Variants in GOLGB1 observed in about 807,000 individuals in gnomAD.
The protein encoded by GOLGB1 is golgin subfamily B member 1.
In GOLGB1, 174 loss-of-function variants were observed where a neutral mutation model predicts 336.9. That is an observed-to-expected ratio of 0.52 (90% confidence interval 0.46 to 0.59). The LOEUF (loss-of-function observed/expected upper bound fraction) is 0.59, where lower values mean the gene tolerates loss of function less well. GOLGB1 is among the 20% of genes least tolerant of loss of function. The pLI is 0.00. For missense variants in GOLGB1, 3,331 were observed against 3,645.3 expected, an observed-to-expected ratio of 0.91 and a Z score of 2.22; for synonymous variants, 1,208 against 1,289.2, an observed-to-expected ratio of 0.94 and a Z score of 1.35.
chr3:121,714,820 GACAA>G, intron 10 of GOLGB1, 37 bp downstream of exon 10: 2 of 1,206,728 alleles, frequency 1.7e-6, no homozygotes, highest in East Asian at 2.3e-5. Flanking sequence ...ATACAGCAAA[GACAA>G]ACAGTTAATA....
intron 14 of GOLGB1, among the ~76,000 whole-genome samples, chr3:121,688,377 G>A (rs1038237848): frequency 2.0e-5 from 3 of 152,242 alleles, no homozygotes; most frequent in Admixed American, 6.5e-5. Context: ...GGATGGAGAC[G>A]GGGTTTCGCT....
At chr3:121,739,478 A>C (rs1162012770) in intron 1 of GOLGB1, among the ~76,000 whole-genome samples, 1 of 152,090 alleles carries the variant, frequency 6.6e-6, no homozygotes, top group Non-Finnish European at 1.5e-5. Flanking sequence ...AAAAATAAAC[A>C]TCAGAAATAG....
At chr3:121,666,206 T>C (rs1044742195) in intron 20 of GOLGB1, among the ~76,000 whole-genome samples, 2 of 152,176 alleles carry the variant, frequency 1.3e-5, no homozygotes, top group African/African-American at 4.8e-5. Flanking sequence ...ATTCTAACAT[T>C]ACAATGGCAG....
intron 1 of GOLGB1, among the ~76,000 whole-genome samples, chr3:121,743,503 A>G (rs1304641873): frequency 1.3e-5 from 2 of 152,186 alleles, no homozygotes; most frequent in African/African-American, 4.8e-5. Context: ...TAGGAGAAAT[A>G]CCTAATGTAA....
At chr3:121,731,846 T>C (rs1345006994) in intron 1 of GOLGB1, among the ~76,000 whole-genome samples, 2 of 151,606 alleles carry the variant, frequency 1.3e-5, no homozygotes, top group Non-Finnish European at 2.9e-5. Context: ...TAGAAATTAA[T>C]AAAAATAGAA....
intron 1 of GOLGB1, among the ~76,000 whole-genome samples, chr3:121,736,640 C>T (rs1353127040): frequency 4.6e-5 from 7 of 152,276 alleles, no homozygotes; most frequent in Non-Finnish European, 8.8e-5. Context: ...CAGTGTCTCA[C>T]GCCTGTAATC....
At chr3:121,668,915 T>C (rs1236498078) in intron 18 of GOLGB1, among the ~76,000 whole-genome samples, 3 of 152,190 alleles carry the variant, frequency 2.0e-5, no homozygotes, top group Non-Finnish European at 4.4e-5. Flanking sequence ...AATTTTCTTA[T>C]AACTTAAAGC....
intron 1 of GOLGB1, among the ~76,000 whole-genome samples, chr3:121,735,441 T>TAAGGA (rs2108339396): frequency 6.6e-6 from 1 of 152,294 alleles, no homozygotes; most frequent in East Asian, 1.9e-4. Flanking sequence ...CTGGGTACTA[T>TAAGGA]AAGGATAAAG....
Position 121,698,591 on chromosome 3 carries a change from C to G in GOLGB1, c.1932G>C (p.Gln644His), listed in dbSNP as rs1319354555. Residue 644 changes from glutamine (Q) to histidine (H), a missense_variant, in exon 13 of 22, where the codon CAG becomes CAC. Transcript: ENST00000614479. ...TTCTACTTTGATGTTCAGTGCTCGC[C>G]TGTTCTTTTTCAACTGCTGGAAGAC... ...ESSLPAVEKE[Q>H]ASTEHQSRTS... 1 of 1,613,704 alleles carries G rather than the reference C, an allele frequency of 6.2e-7. No homozygotes were observed. The highest frequency in any genetic ancestry group is 1.7e-5 in the Admixed American group (1 of 59,986).
At position 121,702,666 on chromosome 3, in the gene GOLGB1, T is replaced by G. The variant is rs943992885; in HGVS notation, c.1405-71A>C. The stretch of plus-strand genomic sequence containing the variant: ...TTCTCACACTAACGCCCAGATAGCC[T>G]CCAGCATTTTTGTCTTCTAGAAGTT... On this transcript the variant is annotated intron_variant, in intron 10 of 21. Coordinates refer to ENST00000614479, the MANE Select transcript of GOLGB1 (RefSeq NM_001366282.2). 25 of 609,240 alleles carry G rather than the reference T, an allele frequency of 4.1e-5. No individual in the cohort carries two copies. In the Middle Eastern group the frequency reaches 1.1e-3, roughly 27 times the overall value. The allele number at this position is 609,240 out of a possible 1,614,324, so 37.7% of individuals were successfully genotyped here.
rs538377850 is a variant in GOLGB1, at chr3:121,675,909, C to T, written c.9177+984G>A. Among the ~76,000 whole-genome samples, 7 of 152,026 alleles carry T rather than the reference C, an allele frequency of 4.6e-5. No individual in the cohort carries two copies. The South Asian group carries it at 1.0e-3, about 23-fold the overall frequency. ...GAGAGCAAATGTAACAGGCCTGAGA[C>T]GGGAGTTAGTTGACGGAAAAAAGAG... On this transcript the variant is annotated intron_variant, in intron 17 of 21. Coordinates refer to ENST00000614479, the MANE Select transcript of GOLGB1 (RefSeq NM_001366282.2).
chr3:121,710,175 T>C (rs993433811), intron 10 of GOLGB1, among the ~76,000 whole-genome samples: 3 of 151,584 alleles, frequency 2.0e-5, no homozygotes, highest in African/African-American at 7.3e-5. Flanking sequence ...AAAACCTTCC[T>C]AAAACTCCAG....
Position 121,729,176 on chromosome 3 carries a change from C to T in GOLGB1, c.402+12G>A. 3 of 1,589,698 alleles carry T rather than the reference C, an allele frequency of 1.9e-6. No homozygotes were observed. The highest frequency in any genetic ancestry group is 1.4e-5 in the African/African-American group (1 of 73,552). On this transcript the variant is annotated intron_variant, in intron 4 of 21. Coordinates refer to ENST00000614479, the MANE Select transcript of GOLGB1 (RefSeq NM_001366282.2). Reference sequence around the variant, plus strand: ...CAACTTAGGAAATATACACTACACCCAGTCACCATACCTTGGAAAGTTGCT... The same window carrying T: ...CAACTTAGGAAATATACACTACACCTAGTCACCATACCTTGGAAAGTTGCT...
chr3:121,690,974 A>T lies in GOLGB1; in HGVS notation c.8390T>A (p.Met2797Lys). Reference protein sequence around the residue: ...DALLSETAFSMNSTEENSLSH... With the variant: ...DALLSETAFSKNSTEENSLSH... The stretch of plus-strand genomic sequence containing the variant: ...CAAGCTATTCTCCTCAGTGGAGTTC[A>T]TTGAAAAGGCGGTTTCAGAAAGAAG... The change falls in exon 14 of 22, where the codon ATG becomes AAG. Residue 2797 changes from methionine (M) to lysine (K), a missense_variant. Met to Lys is a moderately conservative substitution (Grantham distance 95). Transcript: ENST00000614479. 1 of 1,614,158 alleles carries T rather than the reference A, an allele frequency of 6.2e-7. No individual in the cohort carries two copies. Among genetic ancestry groups the T allele is most frequent in the Non-Finnish European group, 8.5e-7 (1 of 1,180,016 alleles).
chr3:121,664,675 CCTA>C, intron 21 of GOLGB1, 61 bp from the exon 22 acceptor site: 1 of 1,502,426 alleles, frequency 6.7e-7, no homozygotes, highest in Non-Finnish European at 9.3e-7. Flanking sequence ...TGCTTTCCCT[CCTA>C]CTAGTCTTGC....
chr3:121,673,133 G>A (rs143206485), intron 17 of GOLGB1, among the ~76,000 whole-genome samples: 1 of 151,334 alleles, frequency 6.6e-6, no homozygotes, highest in African/African-American at 2.4e-5. Flanking sequence ...GCAGTGGCGC[G>A]ATCTCGGCTC....
chr3:121,693,732 C>T lies in GOLGB1; in HGVS notation c.6782+9G>A. 6.3e-7 allele frequency: 1 copy of T among 1,577,292 alleles called. No homozygotes were observed. The highest frequency in any genetic ancestry group is 8.6e-7 in the Non-Finnish European group (1 of 1,157,102). Reference sequence around the variant, plus strand: ...CCTCTGGAGGAGGAAAAATTCACTACTCATTTACCTGGAAATGTTAATCTT... The same window carrying T: ...CCTCTGGAGGAGGAAAAATTCACTATTCATTTACCTGGAAATGTTAATCTT... On this transcript the variant is annotated intron_variant, in intron 13 of 21. Coordinates refer to ENST00000614479, the MANE Select transcript of GOLGB1 (RefSeq NM_001366282.2).
chr3:121,704,904 A>AT (rs948917707), intron 10 of GOLGB1, among the ~76,000 whole-genome samples: 2 of 152,066 alleles, frequency 1.3e-5, no homozygotes, highest in African/African-American at 4.8e-5. Context: ...AACTAAGAAA[A>AT]TTTTTTCACA....
chr3:121,672,250 G>T (rs2107586157), intron 17 of GOLGB1, among the ~76,000 whole-genome samples: 1 of 152,338 alleles, frequency 6.6e-6, no homozygotes, highest in African/African-American at 2.4e-5. Flanking sequence ...TGCTAACAGT[G>T]TATGGGAGTT....
Sources: allele counts gnomAD v4.1 joint callset (sites outside exome capture counted in the v4.1 genomes callset), GRCh38; gene constraint gnomAD v4.1.1; transcripts MANE v1.5; gene names NCBI Gene and HGNC (gene_info 2026-07-23, HGNC 2026-07-21).